The following ACER2 variants were observed in gnomAD, a reference collection of about 807,000 sequenced individuals.
ACER2 encodes the protein alkCDase 2.
Under a neutral mutation model 34.7 loss-of-function variants are expected in ACER2, and 26 were observed. The ratio of observed to expected loss-of-function variants is 0.75; its 90% CI spans 0.55 to 1.04. ACER2 has a LOEUF of 1.04. ACER2 is among the 50% of genes least tolerant of loss of function. The pLI, the probability that ACER2 is intolerant of heterozygous loss-of-function variation, is 0.00. For missense variants in ACER2, 352 were observed against 340.8 expected (o/e 1.03, Z -0.26); for synonymous variants, 138 against 132.1 (o/e 1.04, Z -0.31).
At chr9:19,417,053 A>G (rs141495944) in intron 1 of ACER2, among the ~76,000 whole-genome samples, 15,946 of 151,842 alleles carry the variant, frequency 0.11, 1,704 homozygotes, top group African/African-American at 0.27. Flanking sequence ...ATCATTGTGT[A>G]AAAATCACAA....
At position 19,450,556 on chromosome 9, in the gene ACER2, A is replaced by G; in HGVS notation, c.748A>G (p.Asn250Asp). ...AGGCCCTGTCATCAAGTTCTGGCCC[A>G]ATGAGAAATGGGCCTTCATTGGTGT... is the stretch of plus-strand genomic sequence containing the variant. ...EQGPVIKFWP[N>D]EKWAFIGVPY... Residue 250 changes from asparagine to aspartate, a missense_variant, in exon 6 of 6, where the codon AAT becomes GAT. Asn to Asp is a conservative substitution (Grantham distance 23). Transcript: ENST00000340967. The G allele has an allele frequency of 6.2e-7, 1 of 1,610,816 alleles. No individual in the cohort carries two copies. Among genetic ancestry groups the G allele is most frequent in the Non-Finnish European group, 8.5e-7 (1 of 1,177,474 alleles).
intron 1 of ACER2, among the ~76,000 whole-genome samples, chr9:19,409,557 T>C (rs1830022595): frequency 6.6e-6 from 1 of 152,082 alleles, no homozygotes; most frequent in Non-Finnish European, 1.5e-5. Context: ...TCCCCTGGGA[T>C]CTCTGTGGCG....
intron 4 of ACER2, among the ~76,000 whole-genome samples, chr9:19,442,911 C>T (rs1276809383): frequency 2.0e-5 from 3 of 151,972 alleles, no homozygotes; most frequent in Non-Finnish European, 2.9e-5. Context: ...CGGCTCACTG[C>T]AACCTCCGCC....
chr9:19,412,954 A>C (rs1230195992), intron 1 of ACER2, among the ~76,000 whole-genome samples: 2 of 152,180 alleles, frequency 1.3e-5, no homozygotes, highest in Non-Finnish European at 2.9e-5. Context: ...GATTCAGTGA[A>C]TATCCTCATT....
At chr9:19,437,086 T>C (rs972628234) in intron 4 of ACER2, among the ~76,000 whole-genome samples, 1 of 152,222 alleles carries the variant, frequency 6.6e-6, no homozygotes, top group Non-Finnish European at 1.5e-5. Flanking sequence ...CTTGAAAATC[T>C]CATTCACCCT....
chr9:19,443,290 C>T (rs1020277856), intron 4 of ACER2, among the ~76,000 whole-genome samples: 2 of 152,168 alleles, frequency 1.3e-5, no homozygotes, highest in Admixed American at 6.5e-5. Flanking sequence ...CTTCAGCCTC[C>T]CAAAGTGCTG....
intron 3 of ACER2, among the ~76,000 whole-genome samples, chr9:19,428,467 CT>C (rs1434534228): frequency 1.3e-5 from 2 of 152,066 alleles, no homozygotes; most frequent in Non-Finnish European, 2.9e-5. Context: ...CATATCTGGC[CT>C]TTGCTGGAAT....
intron 3 of ACER2, 109 bp downstream of exon 3, chr9:19,424,950 C>T (rs1241042824): frequency 3.0e-6 from 4 of 1,344,886 alleles, no homozygotes; most frequent in African/African-American, 2.9e-5. Context: ...TAGTGATGAG[C>T]TTATCATATA....
rs370877698 is a variant in ACER2 at position 19,427,791 on chromosome 9, C to T, written c.365+2950C>T. Among the ~76,000 whole-genome samples the T allele has an allele frequency of 1.7e-4, 26 of 152,092 alleles. No individual in the cohort carries two copies. The East Asian group carries it at 3.5e-3, about 20-fold the overall frequency. On this transcript the variant is annotated intron_variant, in intron 3 of 5. Transcript: ENST00000340967. ...ACGCCATTCTCCTGCCTCAGCCTCCCGAGTAGCTGGGACTACAGGCGCCCG... is the reference window on the plus strand; with the variant it reads ...ACGCCATTCTCCTGCCTCAGCCTCCTGAGTAGCTGGGACTACAGGCGCCCG...
intron 3 of ACER2, among the ~76,000 whole-genome samples, chr9:19,434,382 A>C (rs1222013188): frequency 6.6e-6 from 1 of 152,192 alleles, no homozygotes; most frequent in Non-Finnish European, 1.5e-5. Flanking sequence ...GCGGCCGGGC[A>C]GAGGCTGCAA....
chr9:19,423,362 A>T (rs935800593), intron 1 of ACER2, among the ~76,000 whole-genome samples: 6 of 152,198 alleles, frequency 3.9e-5, no homozygotes, highest in Non-Finnish European at 8.8e-5. Context: ...TTAAATGGTC[A>T]TTTAAAAAGC....
chr9:19,421,482 G>A (rs1830406520), intron 1 of ACER2, among the ~76,000 whole-genome samples: 1 of 152,096 alleles, frequency 6.6e-6, no homozygotes, highest in Non-Finnish European at 1.5e-5. Context: ...GAAAAAATAA[G>A]CTAGATACAA....
chr9:19,425,428 T>C (rs371452142), intron 3 of ACER2, among the ~76,000 whole-genome samples: 1 of 152,252 alleles, frequency 6.6e-6, no homozygotes, highest in East Asian at 1.9e-4. Context: ...GCCATTGTGT[T>C]AGGGTTATAC....
rs1295776222 is a variant in ACER2 at position 19,451,689 on chromosome 9, A to G, written c.*1053A>G. The G allele has an allele frequency of 6.6e-6, 1 of 152,298 alleles. No individual in the cohort carries two copies. Among genetic ancestry groups the G allele is most frequent in the East Asian group, 1.9e-4 (1 of 5,182 alleles). 9.4% of individuals were successfully genotyped at this position (152,298 alleles called of 1,614,324 possible). A position where few individuals can be genotyped will look rare whatever the true frequency, so the allele number is the denominator to read the frequency against. The stretch of plus-strand genomic sequence containing the variant: ...GCATGAACATTCCCACAGACCCACC[A>G]TCTTTAAGACTTGACCTCTGTAAGT... On this transcript the variant is annotated 3_prime_UTR_variant, in exon 6 of 6. Transcript: ENST00000340967.
chr9:19,417,929 G>T (rs1302347903), intron 1 of ACER2, among the ~76,000 whole-genome samples: 1 of 151,998 alleles, frequency 6.6e-6, no homozygotes, highest in Non-Finnish European at 1.5e-5. Context: ...TTAACCTACA[G>T]AATAGGAGAA....
intron 3 of ACER2, among the ~76,000 whole-genome samples, chr9:19,429,013 C>G (rs1401276680): frequency 6.6e-6 from 1 of 151,866 alleles, no homozygotes; most frequent in East Asian, 1.9e-4. Flanking sequence ...TGGTCTCGAA[C>G]TCCTGACCTC....
rs1452029537 is a variant in ACER2, at chr9:19,448,068, G to A, written c.641+1650G>A. ...GTTGCCCAGGCTGGAGTGCAGTGGG[G>A]TGATCTTGGCTCACTGCAATCTCTG... On this transcript the variant is annotated intron_variant, in intron 5 of 5. Transcript: ENST00000340967. Among the ~76,000 whole-genome samples the A allele has an allele frequency of 2.1e-5, 3 of 145,720 alleles. No homozygotes were observed. In the Admixed American group the frequency reaches 2.1e-4, roughly 10 times the overall value.
chr9:19,434,764 CTTT>C (rs36053802), intron 3 of ACER2, among the ~76,000 whole-genome samples, 180 bp from the exon 4 acceptor site: 4 of 148,864 alleles, frequency 2.7e-5, no homozygotes, highest in African/African-American at 4.9e-5. Context: ...GAGACCCTCT[CTTT>C]TTTTTTTTAA....
At chr9:19,420,345 TCCCGATGGGTGTTACTCA>T (rs1830366791) in intron 1 of ACER2, among the ~76,000 whole-genome samples, 1 of 152,144 alleles carries the variant, frequency 6.6e-6, no homozygotes, top group Admixed American at 6.6e-5. Flanking sequence ...TCCCACCCCA[TCCCGATGGGTGTTACTCA>T]TGTAGACTTA....
Sources: gnomAD v4.1 joint callset for allele counts (sites outside exome capture counted in the v4.1 genomes callset) on GRCh38, gnomAD v4.1.1 for gene constraint, MANE v1.5 for transcripts, NCBI Gene and HGNC (gene_info 2026-07-23, HGNC 2026-07-21) for gene names.